ROBO2: variants seen among roughly 807,000 people sequenced by gnomAD.
The protein encoded by ROBO2 is roundabout homolog 2.
Under a neutral mutation model 160.8 loss-of-function variants are expected in ROBO2, and 53 were observed. The observed-to-expected ratio is 0.33, with a 90% CI of 0.26 to 0.41. ROBO2 has a LOEUF of 0.41. Among genes scored for constraint, ROBO2 ranks in the 10% least tolerant of loss-of-function variants. The pLI is 1.00. For synonymous variants in ROBO2, 664 were observed against 611.7 expected, an observed-to-expected ratio of 1.09 and a Z score of -1.26; for missense variants, 1,577 against 1,722.4, an observed-to-expected ratio of 0.92 and a Z score of 1.49.
chr3:76,105,589 C>T (rs2069888498), intron 2 of ROBO2, among the ~76,000 whole-genome samples: 1 of 152,094 alleles, frequency 6.6e-6, no homozygotes, highest in Admixed American at 6.6e-5. Flanking sequence ...ACTAAGAAGT[C>T]AGGTGGATAC....
intron 2 of ROBO2, among the ~76,000 whole-genome samples, chr3:76,839,103 G>C (rs2067986399): frequency 6.6e-6 from 1 of 152,010 alleles, no homozygotes; most frequent in African/African-American, 2.4e-5. Context: ...TTAAAATTCA[G>C]AAATGGCAGA....
chr3:77,141,236 A>G (rs903493690), intron 2 of ROBO2, among the ~76,000 whole-genome samples: 1 of 152,184 alleles, frequency 6.6e-6, no homozygotes, highest in African/African-American at 2.4e-5. Flanking sequence ...GTAGCTGAGC[A>G]GTACTTACTC....
chr3:77,243,684 CT>C (rs1426173339), intron 2 of ROBO2, among the ~76,000 whole-genome samples: 1 of 152,206 alleles, frequency 6.6e-6, no homozygotes, highest in Non-Finnish European at 1.5e-5. Flanking sequence ...AAACCCAGCA[CT>C]GTCAATTTAG....
rs150834681 is a variant in ROBO2, at chr3:76,548,623, A to C, written c.110-549391A>C. ...ATCGCTTATCACTTTTATTCCTGGG[A>C]ACCAGAGGGAGGATTTTTTTTTTTT... On this transcript the variant is annotated intron_variant, in intron 2 of 26. Coordinates refer to the ROBO2 transcript ENST00000487694. 4.6e-3 allele frequency among the ~76,000 whole-genome samples: 647 copies of C among 139,326 alleles called. 5 individuals carry two copies. The highest frequency in any genetic ancestry group is 0.017 in the African/African-American group (618 of 37,258). 91.4% of individuals were successfully genotyped at this position (139,326 alleles called of 152,430 possible). A position where few individuals can be genotyped will look rare whatever the true frequency, so the allele number is the denominator to read the frequency against.
intron 2 of ROBO2, among the ~76,000 whole-genome samples, chr3:75,978,563 A>T (rs1423697624): frequency 6.6e-6 from 1 of 151,530 alleles, no homozygotes; most frequent in Non-Finnish European, 1.5e-5. Context: ...CTGTCTGAAA[A>T]TTTTAAAATT....
At chr3:76,753,028 A>G (rs1182835895) in intron 2 of ROBO2, among the ~76,000 whole-genome samples, 1 of 151,934 alleles carries the variant, frequency 6.6e-6, no homozygotes, top group Non-Finnish European at 1.5e-5. Context: ...AAAAGAGTTA[A>G]GTAAGACATT....
intron 2 of ROBO2, among the ~76,000 whole-genome samples, chr3:76,843,225 A>C (rs2068458820): frequency 6.7e-6 from 1 of 149,938 alleles, no homozygotes; most frequent in Non-Finnish European, 1.5e-5. Flanking sequence ...TATTATAACA[A>C]ATATATTTAT....
chr3:76,977,494 C>T (rs1348748345), intron 2 of ROBO2, among the ~76,000 whole-genome samples: 1 of 152,054 alleles, frequency 6.6e-6, no homozygotes, highest in Admixed American at 6.6e-5. Context: ...AACATGGGTG[C>T]TGGTGCAAAG....
chr3:76,483,529 A>G (rs1053986181), intron 2 of ROBO2, among the ~76,000 whole-genome samples: 8 of 152,098 alleles, frequency 5.3e-5, no homozygotes, highest in African/African-American at 7.2e-5. Context: ...TGAATATGAA[A>G]CTACCATATG....
chr3:77,177,069 A>G (rs2150799414), intron 2 of ROBO2, among the ~76,000 whole-genome samples: 1 of 152,134 alleles, frequency 6.6e-6, no homozygotes. Context: ...AGATTTCTAA[A>G]AGGTTATTGT....
rs117355904 is a variant in ROBO2 at position 76,054,293 on chromosome 3, G to A, written c.109+116691G>A. Among the ~76,000 whole-genome samples, 1,072 of 152,016 alleles carry A rather than the reference G, an allele frequency of 7.1e-3. 64 individuals carry two copies. In the East Asian group the frequency reaches 0.15, roughly 22 times the overall value. The stretch of plus-strand genomic sequence containing the variant: ...ATTTTATCTGAATTTAGTTCTTTAG[G>A]TCAGATGGAAAAACCTCTCCTCCCT... On this transcript the variant is annotated intron_variant, in intron 2 of 26. Transcript: ENST00000487694.
At chr3:77,083,845 C>T (rs573722632) in intron 1 of ROBO2, among the ~76,000 whole-genome samples, 2 of 152,040 alleles carry the variant, frequency 1.3e-5, no homozygotes, top group Non-Finnish European at 2.9e-5. Flanking sequence ...GATAGATGAA[C>T]CTTGAGTTGA....
intron 13 of ROBO2, among the ~76,000 whole-genome samples, chr3:77,569,634 C>T (rs2093587662): frequency 6.6e-6 from 1 of 151,882 alleles, no homozygotes; most frequent in African/African-American, 2.4e-5. Context: ...AATTTGCAAA[C>T]ATTTTCTCCC....
intron 2 of ROBO2, among the ~76,000 whole-genome samples, chr3:77,418,058 C>T (rs2077402992): frequency 6.6e-6 from 1 of 152,038 alleles, no homozygotes; most frequent in Admixed American, 6.5e-5. Flanking sequence ...TTAAATAAGC[C>T]TTGTTGCTAC....
chr3:76,500,767 C>T (rs1294915239), intron 2 of ROBO2, among the ~76,000 whole-genome samples: 1 of 152,124 alleles, frequency 6.6e-6, no homozygotes, highest in African/African-American at 2.4e-5. Context: ...GATATCTTTG[C>T]ATGGTGATTT....
rs994430615 is a variant in ROBO2, at chr3:77,472,251, T to C, written c.389-5163T>C. The stretch of plus-strand genomic sequence containing the variant: ...AGTTCATGCTCAAGGGGAGGGGATA[T>C]ACAAAGGGAATAAATAACAGAAGGG... On this transcript the variant is annotated intron_variant, in intron 2 of 25. Coordinates refer to ENST00000461745, the Ensembl canonical transcript of ROBO2. Among the ~76,000 whole-genome samples the C allele has an allele frequency of 2.0e-5, 3 of 152,072 alleles. 1 individual carries two copies. The highest frequency in any genetic ancestry group is 6.6e-5 in the Admixed American group (1 of 15,266).
intron 2 of ROBO2, among the ~76,000 whole-genome samples, chr3:77,361,455 T>A (rs1178156996): frequency 6.6e-6 from 1 of 152,210 alleles, no homozygotes; most frequent in Non-Finnish European, 1.5e-5. Flanking sequence ...TCAAGCTATC[T>A]GTCTTAGTTG....
chr3:76,205,459 C>A (rs1443895041), intron 2 of ROBO2, among the ~76,000 whole-genome samples: 1 of 152,100 alleles, frequency 6.6e-6, no homozygotes, highest in African/African-American at 2.4e-5. Context: ...AAGGGAAGAA[C>A]CTTCTAGACC....
chr3:77,273,900 A>G (rs1478520968), intron 2 of ROBO2, among the ~76,000 whole-genome samples: 1 of 152,018 alleles, frequency 6.6e-6, no homozygotes, highest in Non-Finnish European at 1.5e-5. Flanking sequence ...AACTTTATTA[A>G]TTTTTTGCCT....
Sources: allele counts gnomAD v4.1 joint callset (sites outside exome capture counted in the v4.1 genomes callset), GRCh38; gene constraint gnomAD v4.1.1; transcripts MANE v1.5; gene names NCBI Gene and HGNC (gene_info 2026-07-23, HGNC 2026-07-21).